Variants in MAP6 observed in about 807,000 individuals in gnomAD.
The protein encoded by MAP6 is microtubule associated protein 6.
MAP6 carries 26 observed loss-of-function variants against 42.4 expected under a neutral mutation model. The ratio of observed to expected loss-of-function variants is 0.61; its 90% CI spans 0.45 to 0.85. MAP6 has a LOEUF of 0.85. Ranked by LOEUF, MAP6 falls within the 40% of genes least tolerant of loss-of-function variation. The pLI, the probability that MAP6 is intolerant of heterozygous loss-of-function variation, is 0.00. For synonymous variants in MAP6, 418 were observed against 443.8 expected (o/e 0.94, Z 0.73); for missense variants, 966 against 1,099.0 (o/e 0.88, Z 1.71).
chr11:75,612,971 A>T (rs1942927467), intron 1 of MAP6, among the ~76,000 whole-genome samples: 1 of 152,168 alleles, frequency 6.6e-6, no homozygotes, highest in Non-Finnish European at 1.5e-5. Flanking sequence ...GGATAAGATA[A>T]GACAAAATTT....
chr11:75,631,421 G>GT (rs1943282099), intron 1 of MAP6, among the ~76,000 whole-genome samples: 1 of 152,190 alleles, frequency 6.6e-6, no homozygotes, highest in Non-Finnish European at 1.5e-5. Flanking sequence ...ATGAAATACA[G>GT]TAGACTTTTT....
chr11:75,637,100 T>C (rs1356902145), intron 1 of MAP6, among the ~76,000 whole-genome samples: 1 of 152,218 alleles, frequency 6.6e-6, no homozygotes, highest in African/African-American at 2.4e-5. Flanking sequence ...TCACTGAAGA[T>C]GTTCCAAAAC....
chr11:75,644,858 T>C (rs774681372), intron 1 of MAP6, among the ~76,000 whole-genome samples: 4 of 152,102 alleles, frequency 2.6e-5, no homozygotes, highest in Non-Finnish European at 5.9e-5. Context: ...ACATAAAATA[T>C]AGTAAAATAT....
At chr11:75,607,569 A>G (rs1942803097) in intron 2 of MAP6, 1 of 985,330 alleles carries the variant, frequency 1.0e-6, no homozygotes, top group South Asian at 4.7e-5. Context: ...AGCTGATGTG[A>G]CAGGTGTGTT....
chr11:75,594,340 C>T (rs1438911783), intron 3 of MAP6: 1 of 152,212 alleles, frequency 6.6e-6, no homozygotes, highest in Non-Finnish European at 1.5e-5. Context: ...GGGCCCCGTA[C>T]ATGTGCTCAT....
intron 1 of MAP6, among the ~76,000 whole-genome samples, chr11:75,618,469 T>C (rs1333765624): frequency 1.3e-5 from 2 of 151,942 alleles, no homozygotes; most frequent in Non-Finnish European, 2.9e-5. Context: ...TAGCCAGGCA[T>C]GGTGGTGGGC....
chr11:75,629,284 C>T (rs1943246300), intron 1 of MAP6, among the ~76,000 whole-genome samples: 1 of 152,056 alleles, frequency 6.6e-6, no homozygotes. Flanking sequence ...GATGGGGTTT[C>T]ACCATGTTGG....
At position 75,610,296 on chromosome 11, in the gene MAP6, A is replaced by G. The variant is rs544535978; in HGVS notation, c.906-1974T>C. ...CTCAGACTCAATGTCCCTAGAACCA[A>G]ATCGTCTTGTTTTCCCTGCCAAAAA... On this transcript the variant is annotated intron_variant, in intron 1 of 3. Transcript: ENST00000304771. 2.2e-3 allele frequency among the ~76,000 whole-genome samples: 339 copies of G among 152,316 alleles called. 2 individuals carry two copies. The highest frequency in any genetic ancestry group is 3.9e-3 in the Admixed American group (60 of 15,288).
intron 3 of MAP6, among the ~76,000 whole-genome samples, chr11:75,599,287 A>G (rs534663993): frequency 1.3e-5 from 2 of 152,296 alleles, no homozygotes; most frequent in East Asian, 3.9e-4. Context: ...AGGACAAGGG[A>G]CAGAAATTTA....
chr11:75,604,579 T>G, intron 3 of MAP6: 1 of 984,954 alleles, frequency 1.0e-6, no homozygotes, highest in Non-Finnish European at 1.2e-6. Context: ...TATTTTGAGT[T>G]CCCTCACAAG....
intron 1 of MAP6, among the ~76,000 whole-genome samples, chr11:75,642,005 C>T (rs1246763554): frequency 3.3e-5 from 5 of 152,170 alleles, no homozygotes; most frequent in Non-Finnish European, 7.3e-5. Context: ...AACCATTATA[C>T]AAAATTTATA....
chr11:75,620,813 T>A (rs146015872), intron 1 of MAP6, among the ~76,000 whole-genome samples: 1 of 152,140 alleles, frequency 6.6e-6, no homozygotes, highest in African/African-American at 2.4e-5. Flanking sequence ...AAAAACCATA[T>A]GATCATCTCA....
chr11:75,607,261 G>C (rs1294577113), intron 2 of MAP6: 3 of 985,454 alleles, frequency 3.0e-6, no homozygotes, highest in Non-Finnish European at 3.6e-6. Flanking sequence ...TGAAGTGCAA[G>C]ACTTTAGGAC....
chr11:75,612,294 C>T (rs904038225), intron 1 of MAP6, among the ~76,000 whole-genome samples: 1 of 152,186 alleles, frequency 6.6e-6, no homozygotes, highest in African/African-American at 2.4e-5. Flanking sequence ...ACACAATAGC[C>T]AAGGGCATGG....
At chr11:75,613,046 G>A (rs1482527079) in intron 1 of MAP6, among the ~76,000 whole-genome samples, 1 of 152,184 alleles carries the variant, frequency 6.6e-6, no homozygotes, top group Non-Finnish European at 1.5e-5. Flanking sequence ...TCCTATGTCA[G>A]GCTGCAGGTT....
At chr11:75,643,407 G>A (rs1270394407) in intron 1 of MAP6, among the ~76,000 whole-genome samples, 1 of 152,082 alleles carries the variant, frequency 6.6e-6, no homozygotes, top group Non-Finnish European at 1.5e-5. Context: ...CAGAATGAAG[G>A]CTCCTTGACA....
rs1942398432 is a variant in MAP6 at position 75,588,138 on chromosome 11, C to T, written c.1363G>A (p.Val455Ile). Residue 455 changes from valine to isoleucine, a missense_variant, in exon 4 of 4, where the codon GTA becomes ATA. Coordinates refer to ENST00000304771, the MANE Select transcript of MAP6 (RefSeq NM_033063.2). ...VSDSSKTQGP[V>I]ATEPDKDQGS... is the part of the protein sequence containing the mutation. ...TGATCCTTGTCTGGCTCTGTGGCTA[C>T]AGGACCTTGAGTCTTACTTGAATCA... 1.9e-6 allele frequency: 3 copies of T among 1,613,882 alleles called. No homozygotes were observed. Among genetic ancestry groups the T allele is most frequent in the South Asian group, 1.1e-5 (1 of 91,040 alleles).
At chr11:75,607,610 G>A in intron 2 of MAP6, 1 of 985,368 alleles carries the variant, frequency 1.0e-6, no homozygotes, top group South Asian at 4.7e-5. Context: ...AGTGGATGGT[G>A]TTTAGCCCGA....
Position 75,654,018 on chromosome 11 carries a change from A to G in MAP6, c.905+13447T>C, listed in dbSNP as rs543245241. Reference sequence around the variant, plus strand: ...ATCTATTAAGCATCTATTAAACACCATGCACTAAGCTAGGTGCTGGAGGTA... The same window carrying G: ...ATCTATTAAGCATCTATTAAACACCGTGCACTAAGCTAGGTGCTGGAGGTA... On this transcript the variant is annotated intron_variant, in intron 1 of 3. Coordinates refer to ENST00000304771, the MANE Select transcript of MAP6 (RefSeq NM_033063.2). Among the ~76,000 whole-genome samples the G allele has an allele frequency of 2.6e-5, 4 of 152,346 alleles. No homozygotes were observed. In the South Asian group the frequency reaches 8.3e-4, roughly 32 times the overall value.
Sources: allele counts gnomAD v4.1 joint callset (sites outside exome capture counted in the v4.1 genomes callset), GRCh38; gene constraint gnomAD v4.1.1; transcripts MANE v1.5; gene names NCBI Gene and HGNC (gene_info 2026-07-23, HGNC 2026-07-21).